The following BANK1 variants were observed in gnomAD, a reference collection of about 807,000 sequenced individuals.
BANK1 encodes the protein B cell scaffold protein with ankyrin repeats 1, also known as B-cell scaffold protein with ankyrin repeats.
A neutral mutation model predicts 94.5 loss-of-function variants in BANK1; 95 were observed. That is an observed-to-expected ratio of 1.00 (90% CI 0.85 to 1.19). The LOEUF is 1.19. Among genes scored for constraint, BANK1 ranks in the 50% most tolerant of loss-of-function variants. BANK1 has a pLI of 0.00. For missense variants in BANK1, 987 were observed against 932.2 expected, an observed-to-expected ratio of 1.06 and a Z score of -0.77; for synonymous variants, 334 against 308.4, an observed-to-expected ratio of 1.08 and a Z score of -0.87.
At chr4:101,852,558 A>G (rs1363636213) in intron 2 of BANK1, among the ~76,000 whole-genome samples, 1 of 145,386 alleles carries the variant, frequency 6.9e-6, no homozygotes, top group African/African-American at 2.5e-5. Context: ...TTTAATTCCT[A>G]CCACATAGCT....
chr4:101,923,004 C>T (rs1723047788), intron 7 of BANK1, among the ~76,000 whole-genome samples: 1 of 151,766 alleles, frequency 6.6e-6, no homozygotes, highest in African/African-American at 2.4e-5. Flanking sequence ...TTTTCCTTTA[C>T]TCCTAGAGTC....
chr4:101,979,197 G>T (rs1168032381), intron 7 of BANK1, among the ~76,000 whole-genome samples: 1 of 151,876 alleles, frequency 6.6e-6, no homozygotes, highest in African/African-American at 2.4e-5. Flanking sequence ...TCTATTCTCT[G>T]AAAAGAATGG....
At chr4:101,900,621 A>G (rs1722245277) in intron 6 of BANK1, among the ~76,000 whole-genome samples, 1 of 152,162 alleles carries the variant, frequency 6.6e-6, no homozygotes, top group Admixed American at 6.6e-5. Context: ...ATTGCAGATG[A>G]AGGAAAGAGA....
intron 1 of BANK1, among the ~76,000 whole-genome samples, chr4:101,791,251 C>A (rs1724975993): frequency 7.1e-6 from 1 of 140,030 alleles, no homozygotes; most frequent in Non-Finnish European, 1.7e-5. Flanking sequence ...GGGTCAGGGT[C>A]CTGTAGTTTC....
intron 5 of BANK1, among the ~76,000 whole-genome samples, chr4:101,884,234 A>C (rs908404057): frequency 6.6e-6 from 1 of 152,222 alleles, no homozygotes. Flanking sequence ...AACACAAACG[A>C]GTATACATCA....
chr4:101,977,557 G>T (rs2148925860), intron 7 of BANK1, among the ~76,000 whole-genome samples: 1 of 152,050 alleles, frequency 6.6e-6, no homozygotes, highest in Middle Eastern at 3.4e-3. Context: ...CACTTTATTG[G>T]CTATTAACTT....
chr4:102,070,812 T>C (rs1728732327), intron 13 of BANK1, among the ~76,000 whole-genome samples: 1 of 152,064 alleles, frequency 6.6e-6, no homozygotes, highest in Non-Finnish European at 1.5e-5. Flanking sequence ...TAAGGGAGAA[T>C]TAGGGAATAT....
intron 7 of BANK1, among the ~76,000 whole-genome samples, chr4:101,934,231 A>T (rs570418677): frequency 3.3e-5 from 5 of 151,614 alleles, no homozygotes; most frequent in African/African-American, 1.2e-4. Flanking sequence ...ATATTTTGAA[A>T]CAGCTTAGTA....
chr4:102,039,173 A>G (rs940552035), intron 10 of BANK1, among the ~76,000 whole-genome samples: 6 of 152,152 alleles, frequency 3.9e-5, no homozygotes, highest in Admixed American at 3.3e-4. Context: ...AAAGATTTTT[A>G]TACTATGTGG....
rs186446491 is a variant in BANK1, at chr4:102,010,220, C to G, written c.1207-11294C>G. ...GCAGAGCTTGCAGTGAGCAGAGATCCAGCCACTGCACTCCAGCCTGGGCGA... is the reference window on the plus strand; with the variant it reads ...GCAGAGCTTGCAGTGAGCAGAGATCGAGCCACTGCACTCCAGCCTGGGCGA... On this transcript the variant is annotated intron_variant, in intron 7 of 16. Transcript: ENST00000322953. 7.0e-3 allele frequency among the ~76,000 whole-genome samples: 1,059 copies of G among 151,670 alleles called. 4 individuals are homozygous for G. Among genetic ancestry groups the G allele is most frequent in the Middle Eastern group, 0.051 (15 of 294 alleles).
chr4:101,819,952 GAGA>G (rs2148858699), intron 1 of BANK1, among the ~76,000 whole-genome samples: 1 of 152,212 alleles, frequency 6.6e-6, no homozygotes, highest in African/African-American at 2.4e-5. Flanking sequence ...GGAGAAGAAG[GAGA>G]AGGAGATTCC....
At chr4:101,895,074 T>C (rs557629297) in intron 5 of BANK1, among the ~76,000 whole-genome samples, 6 of 151,994 alleles carry the variant, frequency 3.9e-5, no homozygotes, top group Admixed American at 3.3e-4. Flanking sequence ...TTATAGTTTC[T>C]TATCCAAAAG....
At chr4:101,985,481 A>T (rs76488690) in intron 7 of BANK1, among the ~76,000 whole-genome samples, 3,954 of 152,242 alleles carry the variant, frequency 0.026, 179 homozygotes, top group African/African-American at 0.091. Context: ...AGTTTTCAAA[A>T]TTTATTACTA....
At chr4:101,988,133 C>T (rs1301150342) in intron 7 of BANK1, among the ~76,000 whole-genome samples, 13 of 152,130 alleles carry the variant, frequency 8.5e-5, no homozygotes, top group Admixed American at 8.5e-4. Context: ...CTGTGTCTTT[C>T]AAGGATCAGT....
intron 6 of BANK1, among the ~76,000 whole-genome samples, chr4:101,910,448 G>A (rs553377193): frequency 6.6e-5 from 10 of 152,064 alleles, no homozygotes; most frequent in South Asian, 6.2e-4. Context: ...TTGGGAGGCC[G>A]AGGCGGGCTG....
At chr4:101,940,260 A>AG (rs397719936) in intron 7 of BANK1, among the ~76,000 whole-genome samples, 2 of 151,504 alleles carry the variant, frequency 1.3e-5, no homozygotes, top group Non-Finnish European at 3.0e-5. Context: ...GAAAAAAAAA[A>AG]CAGATTCGAA....
At chr4:102,056,695 A>G (rs1021418634) in intron 11 of BANK1, among the ~76,000 whole-genome samples, 2 of 152,108 alleles carry the variant, frequency 1.3e-5, no homozygotes, top group Non-Finnish European at 2.9e-5. Flanking sequence ...CATGTTCTAA[A>G]ATCACAATCA....
chr4:101,869,960 G>A (rs906571128), intron 4 of BANK1, among the ~76,000 whole-genome samples: 8 of 151,944 alleles, frequency 5.3e-5, no homozygotes, highest in Non-Finnish European at 7.4e-5. Flanking sequence ...GGCTTTGGAT[G>A]AATGTATGAT....
At chr4:101,956,956 C>T (rs1314645287) in intron 7 of BANK1, among the ~76,000 whole-genome samples, 1 of 152,144 alleles carries the variant, frequency 6.6e-6, no homozygotes, top group East Asian at 1.9e-4. Flanking sequence ...ATATCTTGAT[C>T]TTGCCCAGGC....
Sources: allele counts gnomAD v4.1 joint callset (sites outside exome capture counted in the v4.1 genomes callset), GRCh38; gene constraint gnomAD v4.1.1; transcripts MANE v1.5; gene names NCBI Gene and HGNC (gene_info 2026-07-23, HGNC 2026-07-21).